Variants in EXOC5 observed in about 807,000 individuals in gnomAD.
EXOC5 encodes SEC10-like 1.
A neutral mutation model predicts 90.8 loss-of-function variants in EXOC5; 17 were observed. That is an observed-to-expected ratio of 0.19 (90% CI 0.13 to 0.28). EXOC5 has a LOEUF of 0.28. Among genes scored for constraint, EXOC5 ranks in the 10% least tolerant of loss-of-function variants. The pLI is 1.00. For missense variants in EXOC5, 569 were observed against 830.6 expected (o/e 0.69, Z 3.87); for synonymous variants, 260 against 270.0 (o/e 0.96, Z 0.36).
chr14:57,233,950 C>T (rs752584907), intron 8 of EXOC5, 38 bp downstream of exon 8: 1 of 1,590,080 alleles, frequency 6.3e-7, no homozygotes, highest in Non-Finnish European at 8.6e-7. Flanking sequence ...CAACAATTAG[C>T]ATAAAATAAT....
chr14:57,224,077 T>C (rs1883230462), intron 12 of EXOC5, among the ~76,000 whole-genome samples: 1 of 152,076 alleles, frequency 6.6e-6, no homozygotes. Flanking sequence ...ACAGGGAAAT[T>C]TGTAAGACAA....
intron 12 of EXOC5, among the ~76,000 whole-genome samples, chr14:57,224,299 G>A (rs983652230): frequency 5.3e-5 from 8 of 151,904 alleles, no homozygotes; most frequent in East Asian, 1.9e-4. Context: ...CTGGTTCTTC[G>A]GGGGGAAATA....
intron 15 of EXOC5, among the ~76,000 whole-genome samples, chr14:57,216,926 C>CA (rs1882992039): frequency 6.6e-6 from 1 of 151,704 alleles, no homozygotes; most frequent in African/African-American, 2.4e-5. Context: ...AACTCAATAG[C>CA]AAAAAAATAA....
In EXOC5 at chr14:57,233,819, T is replaced by A; in HGVS notation, c.779A>T (p.Gln260Leu). The A allele has an allele frequency of 6.2e-7, 1 of 1,607,094 alleles. No homozygotes were observed. Among genetic ancestry groups the A allele is most frequent in the Non-Finnish European group, 8.5e-7 (1 of 1,173,872 alleles). The stretch of plus-strand genomic sequence containing the variant: ...TGGATTACTGAAGATATCTCCAACT[T>A]GTTTGTTCACTCTTTGACAGAGTAT... ...AGILCQRVNK[Q>L]VGDIFSNPET... is the part of the protein sequence containing the mutation. The change falls in exon 9 of 18, where the codon CAA (glutamine) becomes CTA (leucine). Residue 260 changes from glutamine to leucine, a missense_variant. Physicochemically the swap from Gln to Leu is moderately radical, Grantham distance 113. Around this residue, in one of 9 missense-constraint regions of EXOC5, gnomAD observed 114 missense variants for 111.2 expected, o/e 1.03. Coordinates refer to ENST00000621441, the MANE Select transcript of EXOC5 (RefSeq NM_006544.4).
Position 57,250,395 on chromosome 14 carries a change from C to A in EXOC5, c.28-2683G>T, listed in dbSNP as rs138844462. ...GGTTCTCAAGAAGATAAGGTATTAC[C>A]TTCTTCTTGGGAATGCCTATACACA... is the stretch of plus-strand genomic sequence containing the variant. On this transcript the variant is annotated intron_variant, in intron 1 of 17. Coordinates refer to ENST00000621441, the MANE Select transcript of EXOC5 (RefSeq NM_006544.4). Among the ~76,000 whole-genome samples the A allele has an allele frequency of 1.9e-3, 296 of 152,280 alleles. 1 individual carries two copies. The highest frequency in any genetic ancestry group is 6.8e-3 in the African/African-American group (284 of 41,550).
chr14:57,209,364 A>G (rs968637037), intron 17 of EXOC5, among the ~76,000 whole-genome samples: 3 of 152,062 alleles, frequency 2.0e-5, no homozygotes, highest in African/African-American at 7.2e-5. Context: ...TTTGGAAAAA[A>G]AATAAATAAA....
intron 13 of EXOC5, among the ~76,000 whole-genome samples, chr14:57,221,652 G>A (rs555233271): frequency 1.3e-5 from 2 of 152,216 alleles, no homozygotes; most frequent in South Asian, 4.1e-4. Flanking sequence ...GTTTTGTTGG[G>A]GATTGAGCAA....
At chr14:57,262,679 T>C (rs1352336665) in intron 1 of EXOC5, among the ~76,000 whole-genome samples, 3 of 141,418 alleles carry the variant, frequency 2.1e-5, no homozygotes, top group Admixed American at 2.1e-4. Flanking sequence ...TGTATATATA[T>C]ACATTAAGTA....
At chr14:57,268,502 T>A in intron 1 of EXOC5, 120 bp downstream of exon 1, 3 of 1,528,570 alleles carry the variant, frequency 2.0e-6, no homozygotes, top group Admixed American at 2.0e-5. Context: ...CCCTTCTGTT[T>A]CGCACCTCTC....
intron 1 of EXOC5, among the ~76,000 whole-genome samples, chr14:57,266,018 TGA>T (rs1450270628): frequency 6.6e-6 from 1 of 152,206 alleles, no homozygotes; most frequent in Non-Finnish European, 1.5e-5. Context: ...TTGTTTTCAT[TGA>T]GAGTCATGGG....
rs1780896433 is a variant in EXOC5, at chr14:57,202,583, C to T, written c.*6026G>A. ...AAAAAGCAGAATGTAGAACACTAATCAGTAGATTCTTATTAGAGTTGATAA... is the reference window on the plus strand; with the variant it reads ...AAAAAGCAGAATGTAGAACACTAATTAGTAGATTCTTATTAGAGTTGATAA... On this transcript the variant is annotated 3_prime_UTR_variant, in exon 18 of 18. Transcript: ENST00000621441. 1 of 152,108 alleles carries T rather than the reference C, an allele frequency of 6.6e-6. No individual in the cohort carries two copies. Among genetic ancestry groups the T allele is most frequent in the Non-Finnish European group, 1.5e-5 (1 of 68,016 alleles). The allele number at this position is 152,108 out of a possible 1,614,324, so 9.4% of individuals were successfully genotyped here.
chr14:57,227,945 TACACACACACACAC>T (rs60100460), intron 12 of EXOC5, among the ~76,000 whole-genome samples: 32 of 145,920 alleles, frequency 2.2e-4, no homozygotes, highest in African/African-American at 7.2e-4. Flanking sequence ...CATATATATA[TACACACACACACAC>T]ACACACACAC....
chr14:57,244,073 G>T, intron 4 of EXOC5, 92 bp downstream of exon 4: 1 of 793,222 alleles, frequency 1.3e-6, no homozygotes, highest in Non-Finnish European at 2.1e-6. Flanking sequence ...TCAGTGATTT[G>T]AAGTCTAACT....
intron 3 of EXOC5, among the ~76,000 whole-genome samples, chr14:57,244,612 C>T (rs1313907322): frequency 1.3e-5 from 2 of 152,052 alleles, no homozygotes. Context: ...AAGCTGTTTA[C>T]TCCTCATCCT....
intron 4 of EXOC5, among the ~76,000 whole-genome samples, chr14:57,241,524 T>C (rs567846399): frequency 2.6e-5 from 4 of 152,238 alleles, no homozygotes; most frequent in African/African-American, 9.6e-5. Context: ...GTCATCATCA[T>C]CATTGTGCTA....
intron 1 of EXOC5, among the ~76,000 whole-genome samples, chr14:57,265,074 C>T (rs1371041778): frequency 1.3e-5 from 2 of 151,084 alleles, no homozygotes; most frequent in Non-Finnish European, 2.9e-5. Context: ...TAAGGTATAC[C>T]GCAAATCTCC....
At chr14:57,233,697 A>T in intron 9 of EXOC5, 46 bp downstream of exon 9, 1 of 1,176,598 alleles carries the variant, frequency 8.5e-7, no homozygotes, top group Non-Finnish European at 1.2e-6. Context: ...GGAAAAAATT[A>T]CATATTGCTT....
chr14:57,216,021 T>A (rs985546026), intron 15 of EXOC5, among the ~76,000 whole-genome samples: 1 of 152,010 alleles, frequency 6.6e-6, no homozygotes, highest in African/African-American at 2.4e-5. Context: ...TTTTTATACA[T>A]TATCAGCAAA....
chr14:57,232,756 G>A lies in EXOC5; in HGVS notation c.856-7C>T. 1 of 1,399,562 alleles carries A rather than the reference G, an allele frequency of 7.1e-7. No homozygotes were observed. The highest frequency in any genetic ancestry group is 2.0e-5 in the Admixed American group (1 of 49,100). The allele number at this position is 1,399,562 out of a possible 1,614,324, so 86.7% of individuals were successfully genotyped here. ...ACTGCTCTTTCACAAAACTCTAAAA[G>A]AAAAAGGTTAACATTCTGTTAATTA... On this transcript the variant is annotated splice_region_variant and splice_polypyrimidine_tract_variant and intron_variant, in intron 9 of 17. Coordinates refer to ENST00000621441, the MANE Select transcript of EXOC5 (RefSeq NM_006544.4).
Sources: allele counts gnomAD v4.1 joint callset (sites outside exome capture counted in the v4.1 genomes callset), GRCh38; gene constraint gnomAD v4.1.1; regional missense constraint gnomAD v4.1.1; transcripts MANE v1.5; gene names NCBI Gene and HGNC (gene_info 2026-07-23, HGNC 2026-07-21).